Variants in GMPS observed in about 807,000 individuals in gnomAD.
GMPS encodes guanosine monophosphate synthase.
GMPS carries 15 observed loss-of-function variants against 77.9 expected under a neutral mutation model. The ratio of observed to expected loss-of-function variants is 0.19; its 90% CI spans 0.13 to 0.30. GMPS has a LOEUF of 0.30. Ranked by LOEUF, GMPS falls within the 10% of genes least tolerant of loss-of-function variation. The pLI is 1.00. For missense variants in GMPS, 590 were observed against 838.8 expected, an observed-to-expected ratio of 0.70 and a Z score of 3.66; for synonymous variants, 224 against 275.9, an observed-to-expected ratio of 0.81 and a Z score of 1.86.
intron 1 of GMPS, among the ~76,000 whole-genome samples, chr3:155,878,337 T>G (rs1190688109): frequency 6.6e-6 from 1 of 152,244 alleles, no homozygotes; most frequent in Non-Finnish European, 1.5e-5. Flanking sequence ...TATAAGTACT[T>G]TATTCCTTTT....
In GMPS at chr3:155,903,258, T is replaced by C. The variant is rs1455884873; in HGVS notation, c.325-605T>C. ...GTAAATGATAAATAAGAAAAGAAGA[T>C]TGATTAACAGTGGAGGTGCTGAATT... On this transcript the variant is annotated intron_variant, in intron 3 of 15. Coordinates refer to ENST00000496455, the MANE Select transcript of GMPS (RefSeq NM_003875.3). Among the ~76,000 whole-genome samples, 3 of 152,180 alleles carry C rather than the reference T, an allele frequency of 2.0e-5. No homozygotes were observed. The South Asian group carries it at 6.2e-4, about 31-fold the overall frequency.
In GMPS at chr3:155,939,059, A is replaced by G. The variant is rs887520706; in HGVS notation, c.*1367A>G. On this transcript the variant is annotated 3_prime_UTR_variant, in exon 16 of 16. Coordinates refer to ENST00000496455, the MANE Select transcript of GMPS (RefSeq NM_003875.3). ...AACAAAATGATGCGTGGCAGAAGTC[A>G]TCTTTTTATTCTGGCTGGTCCAGGG... The G allele has an allele frequency of 4.6e-6, 1 of 218,476 alleles. No individual in the cohort carries two copies. The highest frequency in any genetic ancestry group is 2.2e-5 in the African/African-American group (1 of 44,522). The allele number at this position is 218,476 out of a possible 1,614,324, so 13.5% of individuals were successfully genotyped here. A position where few individuals can be genotyped will look rare whatever the true frequency, so the allele number is the denominator to read the frequency against.
rs751666831 is a variant in GMPS at position 155,897,962 on chromosome 3, A to G, written c.245A>G (p.Tyr82Cys). ...ATCTCTGGAGGACCTAATTCTGTGT[A>G]TGCTGAAGATGCTCCCTGGTTTGAT... ...IIISGGPNSV[Y>C]AEDAPWFDPA... The change falls in exon 3 of 16, where the codon TAT (tyrosine) becomes TGT (cysteine). Residue 82 changes from tyrosine to cysteine, a missense_variant. Coordinates refer to ENST00000496455, the MANE Select transcript of GMPS (RefSeq NM_003875.3). 1.2e-6 allele frequency: 2 copies of G among 1,605,350 alleles called. No homozygotes were observed. Among genetic ancestry groups the G allele is most frequent in the Non-Finnish European group, 1.7e-6 (2 of 1,172,034 alleles).
At chr3:155,877,794 G>C (rs1754087200) in intron 1 of GMPS, among the ~76,000 whole-genome samples, 2 of 122,658 alleles carry the variant, frequency 1.6e-5, no homozygotes, top group Admixed American at 2.1e-4. Flanking sequence ...CTCACCTTGG[G>C]GCCTTTTTTT....
At chr3:155,878,228 A>G (rs1362883615) in intron 1 of GMPS, among the ~76,000 whole-genome samples, 1 of 152,212 alleles carries the variant, frequency 6.6e-6, no homozygotes, top group Admixed American at 6.5e-5. Flanking sequence ...TTCAGACCGT[A>G]GCACCTATTT....
intron 1 of GMPS, among the ~76,000 whole-genome samples, chr3:155,871,969 G>C (rs994626541): frequency 6.6e-6 from 1 of 152,200 alleles, no homozygotes; most frequent in Non-Finnish European, 1.5e-5. Context: ...TTGCCAGCGG[G>C]AAACCGTGCA....
chr3:155,882,341 A>G (rs182621457), intron 1 of GMPS, among the ~76,000 whole-genome samples: 139 of 152,360 alleles, frequency 9.1e-4, no homozygotes, highest in Non-Finnish European at 1.7e-3. Flanking sequence ...GTCCCTATCC[A>G]GTTCAGCAGT....
At chr3:155,897,283 C>T (rs1754626579) in intron 2 of GMPS, among the ~76,000 whole-genome samples, 1 of 152,180 alleles carries the variant, frequency 6.6e-6, no homozygotes, top group African/African-American at 2.4e-5. Flanking sequence ...AGTAGTTTGA[C>T]TCCCAAGTTA....
intron 2 of GMPS, among the ~76,000 whole-genome samples, chr3:155,894,993 A>T (rs919315356): frequency 6.6e-6 from 1 of 152,226 alleles, no homozygotes; most frequent in African/African-American, 2.4e-5. Context: ...CTCTCTGTCA[A>T]ATCAGAGCTC....
chr3:155,914,494 A>T lies in GMPS; in HGVS notation c.962A>T (p.Lys321Ile). 1 of 1,606,406 alleles carries T rather than the reference A, an allele frequency of 6.2e-7. No individual in the cohort carries two copies. Among genetic ancestry groups the T allele is most frequent in the Non-Finnish European group, 8.5e-7 (1 of 1,176,728 alleles). ...PISDEDRTPRKRISKTLNMTT... is the reference protein window; with the variant it reads ...PISDEDRTPRIRISKTLNMTT... ...TCAGATGAAGATAGAACCCCACGGA[A>T]AAGAATTAGCAAAACGTTAAATATG... is the stretch of plus-strand genomic sequence containing the variant. Residue 321 changes from lysine (K) to isoleucine (I), a missense_variant, in exon 8 of 16, where the codon AAA becomes ATA. Around this residue, in one of 6 missense-constraint regions of GMPS, gnomAD observed 181 missense variants for 186.8 expected, o/e 0.97. Transcript: ENST00000496455.
chr3:155,883,624 C>A (rs1754261176), intron 1 of GMPS, among the ~76,000 whole-genome samples: 2 of 152,134 alleles, frequency 1.3e-5, no homozygotes. Flanking sequence ...GTATTGTTTT[C>A]ATTTCTTCGC....
chr3:155,903,725 T>G, intron 3 of GMPS, 138 bp from the exon 4 acceptor site: 1 of 499,706 alleles, frequency 2.0e-6, no homozygotes, highest in Non-Finnish European at 3.6e-6. Context: ...TGGTCTACAT[T>G]TATTAAACTC....
rs962771332 is a variant in GMPS at position 155,935,172 on chromosome 3, G to A, written c.1807+126G>A. 5 of 715,250 alleles carry A rather than the reference G, an allele frequency of 7.0e-6. No homozygotes were observed. In the Admixed American group the frequency reaches 1.2e-4, roughly 16 times the overall value. The allele number at this position is 715,250 out of a possible 1,614,324, so 44.3% of individuals were successfully genotyped here. A position where few individuals can be genotyped will look rare whatever the true frequency, so the allele number is the denominator to read the frequency against. On this transcript the variant is annotated intron_variant, in intron 14 of 15. Coordinates refer to ENST00000496455, the MANE Select transcript of GMPS (RefSeq NM_003875.3). ...GTTTTTATTATTTAAATCTTTGAAT[G>A]TTCTATGATGTTGCTTTTTTTTCTT...
At chr3:155,886,434 G>T (rs909448521) in intron 1 of GMPS, among the ~76,000 whole-genome samples, 1 of 151,278 alleles carries the variant, frequency 6.6e-6, no homozygotes, top group African/African-American at 2.4e-5. Flanking sequence ...AATTAGCCGG[G>T]CGTGGTGGCA....
intron 2 of GMPS, among the ~76,000 whole-genome samples, chr3:155,896,191 A>G (rs578057822): frequency 6.6e-6 from 1 of 151,852 alleles, no homozygotes; most frequent in African/African-American, 2.4e-5. Flanking sequence ...TTGTATTTTT[A>G]GTAGAGACAG....
intron 1 of GMPS, among the ~76,000 whole-genome samples, chr3:155,887,018 A>G (rs981444470): frequency 6.6e-6 from 1 of 152,210 alleles, no homozygotes; most frequent in Non-Finnish European, 1.5e-5. Flanking sequence ...TTAAGATATT[A>G]ATATTTAAGA....
intron 2 of GMPS, among the ~76,000 whole-genome samples, chr3:155,896,638 C>G (rs530805540): frequency 6.7e-6 from 1 of 150,248 alleles, no homozygotes; most frequent in African/African-American, 2.5e-5. Context: ...CCAGGCTGGT[C>G]TCGAGCTCCT....
chr3:155,923,741 C>G (rs1755381915), intron 11 of GMPS, among the ~76,000 whole-genome samples: 1 of 152,200 alleles, frequency 6.6e-6, no homozygotes, highest in Non-Finnish European at 1.5e-5. Context: ...TCAACCCTGG[C>G]TGTATGTTAG....
chr3:155,914,354 G>T (rs1296521462), intron 7 of GMPS, 65 bp from the exon 8 acceptor site: 9 of 1,183,266 alleles, frequency 7.6e-6, no homozygotes, highest in Non-Finnish European at 1.0e-5. Flanking sequence ...TCTGTATTTT[G>T]ACTTGTTATT....
Sources: gnomAD v4.1 joint callset for allele counts (sites outside exome capture counted in the v4.1 genomes callset) on GRCh38, gnomAD v4.1.1 for gene constraint, gnomAD v4.1.1 regional missense constraint, MANE v1.5 for transcripts, NCBI Gene and HGNC (gene_info 2026-07-23, HGNC 2026-07-21) for gene names.